BOD1L1: variants seen among roughly 807,000 people sequenced by gnomAD.
The protein encoded by BOD1L1 is biorientation of chromosomes in cell division 1 like 1.
BOD1L1 carries 86 observed loss-of-function variants against 240.7 expected under a neutral mutation model. That is an observed-to-expected ratio of 0.36 (90% CI 0.30 to 0.43). BOD1L1 has a LOEUF of 0.43. Ranked by LOEUF, BOD1L1 falls within the 20% of genes least tolerant of loss-of-function variation. The pLI is 1.00. For synonymous variants in BOD1L1, 1,268 were observed against 1,272.3 expected (o/e 1.00, Z 0.07); for missense variants, 3,554 against 3,643.5 (o/e 0.98, Z 0.63).
In BOD1L1 at chr4:13,576,779, C is replaced by G. The variant is rs1175381699; in HGVS notation, c.9038+59G>C. 5 of 1,549,764 alleles carry G rather than the reference C, an allele frequency of 3.2e-6. No individual in the cohort carries two copies. In the East Asian group the frequency reaches 1.1e-4, roughly 35 times the overall value. ...AAAGAGAATCCCAGAAAACCCAGAG[C>G]AATTTTCAGATGGAGAAGCTGGTGA... On this transcript the variant is annotated intron_variant, in intron 25 of 25. Transcript: ENST00000040738.
chr4:13,605,027 T>C lies in BOD1L1; in HGVS notation c.1873A>G (p.Ser625Gly). Residue 625 changes from serine (S) to glycine (G), a missense_variant, in exon 10 of 26, where the codon AGT becomes GGT. Ser to Gly is a moderately conservative substitution (Grantham distance 56). Transcript: ENST00000040738. Reference sequence around the variant, plus strand: ...CTCCGGGCAGGTTTACTTGGTTCACTTTTTGCATGAACATGCTTCAGCTCC... The same window carrying C: ...CTCCGGGCAGGTTTACTTGGTTCACCTTTTGCATGAACATGCTTCAGCTCC... ...SKELKHVHAK[S>G]EPSKPARRLS... 6.2e-7 allele frequency: 1 copy of C among 1,601,906 alleles called. No homozygotes were observed. The highest frequency in any genetic ancestry group is 8.5e-7 in the Non-Finnish European group (1 of 1,176,734).
chr4:13,616,685 G>C (rs996957862), intron 2 of BOD1L1, among the ~76,000 whole-genome samples: 10 of 152,144 alleles, frequency 6.6e-5, no homozygotes, highest in Non-Finnish European at 1.5e-4. Flanking sequence ...TGCTATTTTT[G>C]AGTGCACTTC....
In BOD1L1 at chr4:13,604,342, T is replaced by C; in HGVS notation, c.2558A>G (p.Asp853Gly). 1 of 1,581,470 alleles carries C rather than the reference T, an allele frequency of 6.3e-7. No homozygotes were observed. The highest frequency in any genetic ancestry group is 8.5e-7 in the Non-Finnish European group (1 of 1,170,092). ...RRSSDSKIQK[D>G]SLGSKQHGIT... ...ACCATGTTGCTTGGAACCCAGAGAA[T>C]CTTTCTGAATTTTAGAATCACTTGA... Residue 853 changes from aspartate (D) to glycine (G), a missense_variant, in exon 10 of 26, where the codon GAT becomes GGT. Physicochemically the swap from Asp to Gly is moderately conservative, Grantham distance 94. Coordinates refer to ENST00000040738, the MANE Select transcript of BOD1L1 (RefSeq NM_148894.3).
chr4:13,620,456 G>C (rs748988636), intron 1 of BOD1L1, among the ~76,000 whole-genome samples: 1 of 152,176 alleles, frequency 6.6e-6, no homozygotes, highest in Non-Finnish European at 1.5e-5. Flanking sequence ...TGCTCATACA[G>C]TCAATGTAAA....
chr4:13,597,026 T>A, intron 11 of BOD1L1, 78 bp downstream of exon 11: 1 of 1,137,148 alleles, frequency 8.8e-7, no homozygotes, highest in Non-Finnish European at 1.3e-6. Context: ...ATATACCACA[T>A]AAGTATATAT....
chr4:13,595,845 T>C lies in BOD1L1; in HGVS notation c.8104+15A>G, dbSNP rs749582508. The C allele has an allele frequency of 3.7e-6, 6 of 1,605,144 alleles. No homozygotes were observed. The highest frequency in any genetic ancestry group is 1.3e-5 in the African/African-American group (1 of 74,484). The stretch of plus-strand genomic sequence containing the variant: ...AAAACAAAAACAATGTGAACAACCA[T>C]TCTAAAGAGCTCACCTATTCCACTT... On this transcript the variant is annotated intron_variant, in intron 12 of 25. Transcript: ENST00000040738.
In BOD1L1 at chr4:13,605,025, A is replaced by G; in HGVS notation, c.1875T>C (p.Ser625=). 6.2e-7 allele frequency: 1 copy of G among 1,601,598 alleles called. No homozygotes were observed. The highest frequency in any genetic ancestry group is 1.1e-5 in the South Asian group (1 of 88,120). ...GTCTCCGGGCAGGTTTACTTGGTTC[A>G]CTTTTTGCATGAACATGCTTCAGCT... ...SKELKHVHAK[S]EPSKPARRLS... The change falls in exon 10 of 26, where the codon AGT becomes AGC. Residue 625 remains serine, a synonymous_variant. Coordinates refer to ENST00000040738, the MANE Select transcript of BOD1L1 (RefSeq NM_148894.3).
intron 13 of BOD1L1, among the ~76,000 whole-genome samples, chr4:13,591,715 A>G (rs1202137177): frequency 6.6e-6 from 1 of 152,204 alleles, no homozygotes; most frequent in Non-Finnish European, 1.5e-5. Flanking sequence ...GTTCTTTATC[A>G]GTGGGTATAG....
At position 13,569,907 on chromosome 4, in the gene BOD1L1, A is replaced by T. The variant is rs781532571; in HGVS notation, c.*104T>A. The T allele has an allele frequency of 2.7e-6, 2 of 744,352 alleles. No individual in the cohort carries two copies. The highest frequency in any genetic ancestry group is 4.0e-6 in the Non-Finnish European group (2 of 501,194). 46.1% of individuals were successfully genotyped at this position (744,352 alleles called of 1,614,324 possible). On this transcript the variant is annotated 3_prime_UTR_variant, in exon 26 of 26. Transcript: ENST00000040738. ...GCTTGCACCTAGGGACTTACAGCAC[A>T]TGCATATCTTTTTCCTGGTTAAAGA...
At chr4:13,610,827 A>T in intron 6 of BOD1L1, 107 bp downstream of exon 6, 1 of 936,394 alleles carries the variant, frequency 1.1e-6, no homozygotes, top group Non-Finnish European at 1.5e-6. Context: ...CTGAAGGCAA[A>T]TCCTGTATGT....
At chr4:13,589,938 A>C (rs1218527760) in intron 14 of BOD1L1, among the ~76,000 whole-genome samples, 1 of 152,224 alleles carries the variant, frequency 6.6e-6, no homozygotes, top group East Asian at 1.9e-4. Flanking sequence ...TTCTGTTCAG[A>C]GTTGGCAGCC....
At position 13,609,330 on chromosome 4, in the gene BOD1L1, G is replaced by T; in HGVS notation, c.1568C>A (p.Ala523Glu). The T allele has an allele frequency of 6.4e-7, 1 of 1,556,594 alleles. No homozygotes were observed. Among genetic ancestry groups the T allele is most frequent in the Non-Finnish European group, 8.7e-7 (1 of 1,154,064 alleles). ...EKLEEKRKQK[A>E]EKTKSSKTKG... is the part of the protein sequence containing the mutation. ...GGTTTTTGAAGACTTTGTCTTTTCT[G>T]CTTTCTGTTTTCGTTTTTCTTCAAG... Residue 523 changes from alanine to glutamate, a missense_variant, in exon 7 of 26, where the codon GCA (alanine) becomes GAA (glutamate). Transcript: ENST00000040738.
intron 1 of BOD1L1, among the ~76,000 whole-genome samples, chr4:13,621,886 G>A (rs61795291): frequency 3.1e-5 from 2 of 64,890 alleles, no homozygotes; most frequent in East Asian, 4.5e-4. Context: ...TTTTTTTTTG[G>A]CAGAGTCTTG....
In BOD1L1 at chr4:13,604,216, T is replaced by A. The variant is rs1369497933; in HGVS notation, c.2684A>T (p.Lys895Met). ...SNLKPEEVVHKEKRRTKSLLE... is the reference protein window; with the variant it reads ...SNLKPEEVVHMEKRRTKSLLE... ...CAAGCTCTTTGTTCGTCGTTTCTCCTTGTGAACAACCTCTTCTGGTTTCAA... is the reference window on the plus strand; with the variant it reads ...CAAGCTCTTTGTTCGTCGTTTCTCCATGTGAACAACCTCTTCTGGTTTCAA... The change falls in exon 10 of 26, where the codon AAG (lysine) becomes ATG (methionine). Residue 895 changes from lysine (K) to methionine (M), a missense_variant. Coordinates refer to ENST00000040738, the MANE Select transcript of BOD1L1 (RefSeq NM_148894.3). 6 of 1,613,736 alleles carry A rather than the reference T, an allele frequency of 3.7e-6. No homozygotes were observed. Among genetic ancestry groups the A allele is most frequent in the Non-Finnish European group, 5.1e-6 (6 of 1,179,832 alleles).
chr4:13,583,188 C>G (rs764616738), intron 17 of BOD1L1, among the ~76,000 whole-genome samples: 5 of 152,130 alleles, frequency 3.3e-5, no homozygotes, highest in African/African-American at 4.8e-5. Context: ...GAGCAGTGAT[C>G]TTTCAGCAAT....
At chr4:13,605,897 A>G (rs1476001770) in intron 9 of BOD1L1, among the ~76,000 whole-genome samples, 1 of 152,218 alleles carries the variant, frequency 6.6e-6, no homozygotes, top group African/African-American at 2.4e-5. Context: ...AGACAAGAGC[A>G]TCTAAACCTT....
At chr4:13,612,690 T>C (rs1330918549) in intron 5 of BOD1L1, among the ~76,000 whole-genome samples, 3 of 152,202 alleles carry the variant, frequency 2.0e-5, no homozygotes, top group African/African-American at 7.2e-5. Context: ...TCTAAGCCTC[T>C]GGAATGCTAT....
Position 13,602,807 on chromosome 4 carries a change from G to A in BOD1L1, c.4093C>T (p.His1365Tyr). 3 of 1,613,994 alleles carry A rather than the reference G, an allele frequency of 1.9e-6. No homozygotes were observed. The highest frequency in any genetic ancestry group is 2.5e-6 in the Non-Finnish European group (3 of 1,179,882). The change falls in exon 10 of 26, where the codon CAC becomes TAC. Residue 1365 changes from histidine to tyrosine, a missense_variant. By Grantham distance (83) the His-to-Tyr change is moderately conservative (BLOSUM62 2). Coordinates refer to ENST00000040738, the MANE Select transcript of BOD1L1 (RefSeq NM_148894.3). ...PAKASITSKR[H>Y]IPEAHQATLL... ...GTAGCCTGGTGAGCTTCTGGAATGT[G>A]TCTTTTGCTAGTGATGCTTGCTTTT... is the stretch of plus-strand genomic sequence containing the variant.
At position 13,614,250 on chromosome 4, in the gene BOD1L1, G is replaced by A. The variant is rs1577373247; in HGVS notation, c.1120C>T (p.Leu374Phe). Reference sequence around the variant, plus strand: ...TTATTACTGTTCTTTTCTGAAGGAAGTTTTAAACTCTCTACTTCTTTTTCC... The same window carrying A: ...TTATTACTGTTCTTTTCTGAAGGAAATTTTAAACTCTCTACTTCTTTTTCC... ...AKEKEVESLK[L>F]PSEKNSNKAK... The change falls in exon 4 of 26, where the codon CTT (leucine) becomes TTT (phenylalanine). Residue 374 changes from leucine to phenylalanine, a missense_variant. Physicochemically the swap from Leu to Phe is conservative, Grantham distance 22 (BLOSUM62 0). Around this residue, in one of 2 missense-constraint regions of BOD1L1, gnomAD observed 3,393 missense variants for 3,427.1 expected, o/e 0.99. Transcript: ENST00000040738. 1 of 1,537,804 alleles carries A rather than the reference G, an allele frequency of 6.5e-7. No individual in the cohort carries two copies.
Sources: allele counts gnomAD v4.1 joint callset (sites outside exome capture counted in the v4.1 genomes callset), GRCh38; gene constraint gnomAD v4.1.1; regional missense constraint gnomAD v4.1.1; transcripts MANE v1.5; gene names NCBI Gene and HGNC (gene_info 2026-07-23, HGNC 2026-07-21).